Variants in DNAH8 observed in about 807,000 individuals in gnomAD.
DNAH8 encodes axonemal beta dynein heavy chain 8.
In DNAH8, 382 loss-of-function variants were observed where a neutral mutation model predicts 562.1. The observed-to-expected ratio is 0.68, with a 90% CI of 0.63 to 0.74. DNAH8 has a LOEUF of 0.74. DNAH8 is among the 30% of genes least tolerant of loss of function. DNAH8 has a pLI of 0.00. For missense variants in DNAH8, 5,203 were observed against 5,620.4 expected, an observed-to-expected ratio of 0.93 and a Z score of 2.37; for synonymous variants, 1,881 against 1,919.4, an observed-to-expected ratio of 0.98 and a Z score of 0.52.
At position 38,826,356 on chromosome 6, in the gene DNAH8, G is replaced by A. The variant is rs1296329386; in HGVS notation, c.4048G>A (p.Glu1350Lys). ...AGCCTTGTCTTGCATACGTGATAATGAAATTCAAATGGACATGACTTTGGG... is the reference window on the plus strand; with the variant it reads ...AGCCTTGTCTTGCATACGTGATAATAAAATTCAAATGGACATGACTTTGGG... ...MEALSCIRDN[E>K]IQMDMTLGPI... The change falls in exon 29 of 93, where the codon GAA becomes AAA. Residue 1350 changes from glutamate to lysine, a missense_variant. Coordinates refer to ENST00000327475, the MANE Select transcript of DNAH8 (RefSeq NM_001206927.2). 6.2e-7 allele frequency: 1 copy of A among 1,611,058 alleles called. No individual in the cohort carries two copies. The highest frequency in any genetic ancestry group is 8.5e-7 in the Non-Finnish European group (1 of 1,178,908).
intron 86 of DNAH8, among the ~76,000 whole-genome samples, chr6:38,983,412 G>A (rs61232244): frequency 0.03 from 4,633 of 152,194 alleles, 225 homozygotes; most frequent in African/African-American, 0.1. Flanking sequence ...AAATGACAAA[G>A]GGATATGAAA....
chr6:38,888,521 G>T (rs1779117616), intron 57 of DNAH8, among the ~76,000 whole-genome samples: 1 of 152,082 alleles, frequency 6.6e-6, no homozygotes, highest in South Asian at 2.1e-4. Context: ...AATATTTAGA[G>T]AAATCCTATA....
chr6:38,920,517 A>C (rs1040202286), intron 70 of DNAH8, among the ~76,000 whole-genome samples: 1 of 152,236 alleles, frequency 6.6e-6, no homozygotes, highest in Admixed American at 6.5e-5. Context: ...CTACTGTTAC[A>C]GTAATTTCAC....
At chr6:38,794,027 T>C (rs1368585045) in intron 21 of DNAH8, among the ~76,000 whole-genome samples, 1 of 152,228 alleles carries the variant, frequency 6.6e-6, no homozygotes, top group Non-Finnish European at 1.5e-5. Context: ...TTTTACCAAG[T>C]TGGGACAACT....
intron 8 of DNAH8, among the ~76,000 whole-genome samples, chr6:38,743,006 G>GTTGTGTTTTTTTTT (rs1764642653): frequency 1.3e-5 from 1 of 77,344 alleles, no homozygotes. Context: ...TTGTTGTTGT[G>GTTGTGTTTTTTTTT]CTTTTTTTTT....
chr6:38,841,441 A>G (rs1332920968), intron 33 of DNAH8, among the ~76,000 whole-genome samples: 1 of 152,270 alleles, frequency 6.6e-6, no homozygotes, highest in African/African-American at 2.4e-5. Context: ...AAATAAAATA[A>G]AAAGATAGAA....
chr6:38,794,416 A>G (rs541760616), intron 21 of DNAH8, among the ~76,000 whole-genome samples: 3 of 152,212 alleles, frequency 2.0e-5, no homozygotes, highest in Middle Eastern at 3.4e-3. Context: ...GATGTAACAT[A>G]TACTCAGAAA....
At chr6:38,816,919 A>G (rs974293257) in intron 26 of DNAH8, among the ~76,000 whole-genome samples, 3 of 151,908 alleles carry the variant, frequency 2.0e-5, no homozygotes, top group African/African-American at 7.3e-5. Context: ...TCCTTTGTCC[A>G]TTTTCTGATG....
intron 79 of DNAH8, among the ~76,000 whole-genome samples, chr6:38,940,381 G>A (rs939802901): frequency 2.0e-5 from 3 of 152,150 alleles, no homozygotes; most frequent in Admixed American, 6.5e-5. Flanking sequence ...AAGAGGAGTT[G>A]GTTTGAGGAG....
intron 3 of DNAH8, among the ~76,000 whole-genome samples, chr6:38,726,338 A>G (rs1306182089): frequency 6.6e-6 from 1 of 152,218 alleles, no homozygotes; most frequent in Non-Finnish European, 1.5e-5. Context: ...TGGTAGTCCA[A>G]CTTTAAGTAT....
chr6:38,898,236 T>G, intron 60 of DNAH8, 22 bp from the exon 61 acceptor site: 2 of 1,566,332 alleles, frequency 1.3e-6, no homozygotes. Context: ...TATTATTTTT[T>G]TATCTTTCTC....
chr6:38,966,664 A>C (rs892456738), intron 82 of DNAH8, among the ~76,000 whole-genome samples: 2 of 152,218 alleles, frequency 1.3e-5, no homozygotes, highest in Non-Finnish European at 2.9e-5. Context: ...GGAGTATGAG[A>C]TTGGTTAAAC....
chr6:38,975,415 A>C (rs1763605901), intron 85 of DNAH8, among the ~76,000 whole-genome samples: 1 of 152,172 alleles, frequency 6.6e-6, no homozygotes, highest in Non-Finnish European at 1.5e-5. Context: ...GGTCTATCCC[A>C]GGAGTCAGGC....
chr6:38,987,983 C>T (rs997809580), intron 87 of DNAH8, among the ~76,000 whole-genome samples: 7 of 152,324 alleles, frequency 4.6e-5, no homozygotes, highest in African/African-American at 1.7e-4. Flanking sequence ...ATCTCATCCT[C>T]AGCCCCAGGC....
intron 33 of DNAH8, among the ~76,000 whole-genome samples, chr6:38,841,286 G>A (rs1774760580): frequency 6.6e-6 from 1 of 152,112 alleles, no homozygotes; most frequent in South Asian, 2.1e-4. Context: ...GGGCGTGGTG[G>A]CATCTGCCTG....
At chr6:38,926,280 C>T (rs984721336) in intron 74 of DNAH8, 70 bp downstream of exon 74, 2 of 1,534,492 alleles carry the variant, frequency 1.3e-6, no homozygotes, top group South Asian at 1.2e-5. Context: ...TTGATTGAAT[C>T]TGCAGTCATA....
chr6:38,959,020 A>G (rs544144171), intron 82 of DNAH8, among the ~76,000 whole-genome samples: 3 of 152,330 alleles, frequency 2.0e-5, no homozygotes, highest in South Asian at 2.1e-4. Flanking sequence ...AGAATGAAGG[A>G]CAAAAACCAT....
At chr6:38,730,071 T>A in intron 4 of DNAH8, 85 bp downstream of exon 4, 1 of 639,478 alleles carries the variant, frequency 1.6e-6, no homozygotes, top group South Asian at 1.9e-5. Flanking sequence ...ACATAGATAA[T>A]CCTTTATTTA....
intron 48 of DNAH8, among the ~76,000 whole-genome samples, chr6:38,869,223 G>T (rs1777284507): frequency 6.6e-6 from 1 of 152,142 alleles, no homozygotes; most frequent in Non-Finnish European, 1.5e-5. Context: ...CTTGTTTATT[G>T]TCACTTCACT....
Sources: gnomAD v4.1 joint callset for allele counts (sites outside exome capture counted in the v4.1 genomes callset) on GRCh38, gnomAD v4.1.1 for gene constraint, MANE v1.5 for transcripts, NCBI Gene and HGNC (gene_info 2026-07-23, HGNC 2026-07-21) for gene names.